Variants in RAB22A observed in about 807,000 individuals in gnomAD.
RAB22A encodes ras-related protein Rab-22A.
In RAB22A, 13 loss-of-function variants were observed where a neutral mutation model predicts 30.2. That is an observed-to-expected ratio of 0.43 (90% confidence interval 0.28 to 0.68). RAB22A has a LOEUF of 0.68. Among genes scored for constraint, RAB22A ranks in the 30% least tolerant of loss-of-function variants. The pLI, the probability that RAB22A is intolerant of heterozygous loss-of-function variation, is 0.18. For synonymous variants in RAB22A, 89 were observed against 87.2 expected, an observed-to-expected ratio of 1.02 and a Z score of -0.11; for missense variants, 177 against 246.8, an observed-to-expected ratio of 0.72 and a Z score of 1.89.
intron 2 of RAB22A, among the ~76,000 whole-genome samples, chr20:58,327,285 A>G (rs1036259179): frequency 2.0e-5 from 3 of 152,256 alleles, no homozygotes; most frequent in African/African-American, 7.2e-5. Flanking sequence ...CTGAAACAAC[A>G]AACATTTGTT....
At chr20:58,321,596 A>C (rs1411043839) in intron 2 of RAB22A, among the ~76,000 whole-genome samples, 4 of 152,002 alleles carry the variant, frequency 2.6e-5, no homozygotes. Flanking sequence ...TTTTTCTCTT[A>C]TTTTGCAGTA....
chr20:58,350,294 G>C lies in RAB22A; in HGVS notation c.199-2979G>C, dbSNP rs537869630. On this transcript the variant is annotated intron_variant, in intron 3 of 6. Transcript: ENST00000244040. ...GTAGAAAAATATGGACAGAGTCTCAGTATCATAGGGACAAATTCAAACAGT... is the reference window on the plus strand; with the variant it reads ...GTAGAAAAATATGGACAGAGTCTCACTATCATAGGGACAAATTCAAACAGT... 5.9e-5 allele frequency among the ~76,000 whole-genome samples: 9 copies of C among 152,336 alleles called. No individual in the cohort carries two copies. In the East Asian group the frequency reaches 1.5e-3, roughly 26 times the overall value.
chr20:58,364,704 A>G lies in RAB22A; in HGVS notation c.*5001A>G, dbSNP rs925947212. 4.6e-5 allele frequency: 7 copies of G among 152,064 alleles called. No homozygotes were observed. The highest frequency in any genetic ancestry group is 2.9e-5 in the Non-Finnish European group (2 of 68,012). 9.4% of individuals were successfully genotyped at this position (152,064 alleles called of 1,614,324 possible). A position where few individuals can be genotyped will look rare whatever the true frequency, so the allele number is the denominator to read the frequency against. Reference sequence around the variant, plus strand: ...GTATCAAGGCCTATCAGCCAATTAAAAGCCGTAAGATAGTAATGATTTTTT... The same window carrying G: ...GTATCAAGGCCTATCAGCCAATTAAGAGCCGTAAGATAGTAATGATTTTTT... On this transcript the variant is annotated 3_prime_UTR_variant, in exon 7 of 7. Coordinates refer to ENST00000244040, the MANE Select transcript of RAB22A (RefSeq NM_020673.3).
rs1460831161 is a variant in RAB22A at position 58,320,124 on chromosome 20, TG to T, written c.116+9003del. Among the ~76,000 whole-genome samples the T allele has an allele frequency of 2.6e-5, 4 of 152,336 alleles. No homozygotes were observed. The East Asian group carries it at 7.7e-4, about 29-fold the overall frequency. The stretch of plus-strand genomic sequence containing the variant: ...GGACCTCATCAAATGAGTTGAGGAA[TG>T]TCTTCTCTTCTACTTTTTTGGAAGA... On this transcript the variant is annotated intron_variant, in intron 2 of 6. Transcript: ENST00000244040.
rs1382430914 is a variant in RAB22A, at chr20:58,361,074, T to A, written c.*1371T>A. The A allele has an allele frequency of 6.6e-6, 1 of 152,628 alleles. No homozygotes were observed. The highest frequency in any genetic ancestry group is 1.5e-5 in the Non-Finnish European group (1 of 68,030). The allele number at this position is 152,628 out of a possible 1,614,324, so 9.5% of individuals were successfully genotyped here. On this transcript the variant is annotated 3_prime_UTR_variant, in exon 7 of 7. Transcript: ENST00000244040. ...TGTTAGTGGTTAACACTCTTTTCCC[T>A]CAGGGAGCCTAATGAGGTTTTTAAT...
intron 2 of RAB22A, among the ~76,000 whole-genome samples, chr20:58,341,364 C>G (rs1207480942): frequency 6.6e-6 from 1 of 152,052 alleles, no homozygotes; most frequent in African/African-American, 2.4e-5. Flanking sequence ...AATTTTTCCT[C>G]CAGCGAAGCC....
intron 2 of RAB22A, among the ~76,000 whole-genome samples, chr20:58,326,547 C>G (rs1986573053): frequency 6.6e-6 from 1 of 151,968 alleles, no homozygotes; most frequent in Admixed American, 6.6e-5. Flanking sequence ...ATGGATAGAC[C>G]ATAATTTGTC....
At chr20:58,312,472 C>CTTTGTTTTTTT (rs1986247655) in intron 2 of RAB22A, among the ~76,000 whole-genome samples, 1 of 38,712 alleles carries the variant, frequency 2.6e-5, no homozygotes, top group Admixed American at 5.0e-4. Context: ...GGCTGGTTTT[C>CTTTGTTTTTTT]TTTTTTTTTT....
intron 2 of RAB22A, among the ~76,000 whole-genome samples, chr20:58,318,233 T>G (rs558529956): frequency 6.6e-6 from 1 of 152,256 alleles, no homozygotes; most frequent in African/African-American, 2.4e-5. Context: ...AATGTGTATA[T>G]GGTTTTTAAA....
At chr20:58,343,881 A>C in intron 3 of RAB22A, 82 bp downstream of exon 3, 14 of 1,085,544 alleles carry the variant, frequency 1.3e-5, no homozygotes, top group Non-Finnish European at 1.8e-5. Flanking sequence ...CTGTCATCTC[A>C]CGTTACTCAC....
At chr20:58,327,906 A>G (rs1392261686) in intron 2 of RAB22A, among the ~76,000 whole-genome samples, 1 of 152,222 alleles carries the variant, frequency 6.6e-6, no homozygotes, top group Non-Finnish European at 1.5e-5. Context: ...AACTATAAAG[A>G]GTCATAACAA....
chr20:58,319,756 C>A (rs557560590), intron 2 of RAB22A, among the ~76,000 whole-genome samples: 1 of 152,136 alleles, frequency 6.6e-6, no homozygotes, highest in East Asian at 1.9e-4. Flanking sequence ...TGATGGCTGT[C>A]TCTAGGTCTT....
chr20:58,315,440 C>T (rs185211185), intron 2 of RAB22A, among the ~76,000 whole-genome samples: 54 of 152,186 alleles, frequency 3.5e-4, no homozygotes, highest in Non-Finnish European at 6.3e-4. Flanking sequence ...TCGCCTGTGT[C>T]GTATCATGGG....
intron 2 of RAB22A, among the ~76,000 whole-genome samples, chr20:58,338,410 G>T (rs1340349718): frequency 1.3e-5 from 2 of 152,162 alleles, no homozygotes; most frequent in African/African-American, 4.8e-5. Flanking sequence ...GGTGATAAAG[G>T]ATTTGCTTAG....
Position 58,363,623 on chromosome 20 carries a change from T to G in RAB22A, c.*3920T>G, listed in dbSNP as rs1335409195. On this transcript the variant is annotated 3_prime_UTR_variant, in exon 7 of 7. Coordinates refer to ENST00000244040, the MANE Select transcript of RAB22A (RefSeq NM_020673.3). ...AACCTGTGAAAGTCATTATTTACAT[T>G]TGCTTTAAAGGGACAGTTTTACCGT... 1 of 152,182 alleles carries G rather than the reference T, an allele frequency of 6.6e-6. No individual in the cohort carries two copies. Among genetic ancestry groups the G allele is most frequent in the Non-Finnish European group, 1.5e-5 (1 of 68,032 alleles). 9.4% of individuals were successfully genotyped at this position (152,182 alleles called of 1,614,324 possible).
intron 2 of RAB22A, among the ~76,000 whole-genome samples, chr20:58,318,317 G>A (rs569817905): frequency 1.3e-5 from 2 of 152,326 alleles, no homozygotes; most frequent in African/African-American, 2.4e-5. Flanking sequence ...GAGGCTTACT[G>A]TTGCCTTCAC....
intron 2 of RAB22A, among the ~76,000 whole-genome samples, chr20:58,311,639 T>C (rs73915805): frequency 0.011 from 1,709 of 152,294 alleles, 42 homozygotes; most frequent in African/African-American, 0.039. Flanking sequence ...TGTTCATATG[T>C]TTTTGACGCT....
chr20:58,320,866 G>A (rs1213907634), intron 2 of RAB22A, among the ~76,000 whole-genome samples: 1 of 152,070 alleles, frequency 6.6e-6, no homozygotes, highest in Admixed American at 6.5e-5. Flanking sequence ...GACCAGCCTG[G>A]CCAACATGGT....
chr20:58,354,181 G>A lies in RAB22A; in HGVS notation c.403G>A (p.Asp135Asn). 6.2e-7 allele frequency: 1 copy of A among 1,613,576 alleles called. No individual in the cohort carries two copies. Among genetic ancestry groups the A allele is most frequent in the Non-Finnish European group, 8.5e-7 (1 of 1,179,662 alleles). The change falls in exon 6 of 7, where the codon GAC (aspartate) becomes AAC (asparagine). Residue 135 changes from aspartate (D) to asparagine (N), a missense_variant. Transcript: ENST00000244040. ...AGAAGTCATGGAGAGAGATGCAAAG[G>A]ACTACGCCGACTCTATTCATGCAAT... ...VREVMERDAKDYADSIHAIFV... is the reference protein window; with the variant it reads ...VREVMERDAKNYADSIHAIFV...
Sources: gnomAD v4.1 joint callset for allele counts (sites outside exome capture counted in the v4.1 genomes callset) on GRCh38, gnomAD v4.1.1 for gene constraint, MANE v1.5 for transcripts, NCBI Gene and HGNC (gene_info 2026-07-23, HGNC 2026-07-21) for gene names.